KLHL32: variants seen among roughly 807,000 people sequenced by gnomAD.
KLHL32 encodes the protein kelch-like protein 32.
KLHL32 carries 35 observed loss-of-function variants against 64.8 expected under a neutral mutation model. The observed-to-expected ratio is 0.54, with a 90% CI of 0.41 to 0.72. The LOEUF (loss-of-function observed/expected upper bound fraction) is 0.72. Among genes scored for constraint, KLHL32 ranks in the 30% least tolerant of loss-of-function variants. The pLI is 0.00. For missense variants in KLHL32, 589 were observed against 768.5 expected (o/e 0.77, Z 2.76); for synonymous variants, 259 against 281.0 (o/e 0.92, Z 0.78).
At chr6:96,989,719 CT>C (rs551263347) in intron 3 of KLHL32, among the ~76,000 whole-genome samples, 102 of 152,228 alleles carry the variant, frequency 6.7e-4, no homozygotes, top group African/African-American at 2.3e-3. Flanking sequence ...TTCTCCCCCC[CT>C]CTCTTCCAGG....
rs1799477552 is a variant in KLHL32 at position 97,131,864 on chromosome 6, G to A, written c.1607-789G>A. On this transcript the variant is annotated intron_variant, in intron 9 of 10. Transcript: ENST00000369261. ...ACTTAGAAACTCTCTGAGTTTTAGC[G>A]GTACCTTAGGCCCTCGATTCTGGAT... Among the ~76,000 whole-genome samples, 5 of 152,168 alleles carry A rather than the reference G, an allele frequency of 3.3e-5. No homozygotes were observed. The South Asian group carries it at 1.0e-3, about 32-fold the overall frequency.
chr6:96,998,869 C>A (rs1582646944), intron 3 of KLHL32, among the ~76,000 whole-genome samples: 1 of 152,120 alleles, frequency 6.6e-6, no homozygotes, highest in Admixed American at 6.5e-5. Flanking sequence ...GTAAACTGAT[C>A]GTTATTTTCC....
intron 6 of KLHL32, among the ~76,000 whole-genome samples, chr6:97,090,695 G>A (rs915261354): frequency 5.9e-5 from 9 of 152,212 alleles, no homozygotes; most frequent in African/African-American, 1.7e-4. Flanking sequence ...CTTCCAATTT[G>A]AATATCACAT....
At position 96,970,880 on chromosome 6, in the gene KLHL32, C is replaced by A. The variant is rs527549933; in HGVS notation, c.23+3797C>A. On this transcript the variant is annotated intron_variant, in intron 2 of 10. Transcript: ENST00000369261. ...TTTTATTATAGGGTCTTTTAATATC[C>A]TGCTACCTTAAATATAATTTTTAAA... 1.2e-4 allele frequency among the ~76,000 whole-genome samples: 19 copies of A among 152,164 alleles called. No individual in the cohort carries two copies. In the South Asian group the frequency reaches 3.5e-3, roughly 28 times the overall value.
intron 3 of KLHL32, among the ~76,000 whole-genome samples, chr6:97,018,135 A>C (rs753626767): frequency 6.9e-6 from 1 of 145,176 alleles, no homozygotes; most frequent in African/African-American, 2.8e-5. Flanking sequence ...TACAGTAAGT[A>C]TAATTAATAT....
chr6:97,051,825 A>G (rs1786956756), intron 4 of KLHL32, among the ~76,000 whole-genome samples: 1 of 152,194 alleles, frequency 6.6e-6, no homozygotes. Flanking sequence ...GGATTTTTAA[A>G]GCACATGAAC....
chr6:97,026,888 G>A (rs1782786591), intron 3 of KLHL32, among the ~76,000 whole-genome samples: 1 of 152,070 alleles, frequency 6.6e-6, no homozygotes, highest in Admixed American at 6.5e-5. Context: ...ACAGGGCTGG[G>A]CGTAGTGGCT....
chr6:97,071,303 A>T (rs1790671716), intron 5 of KLHL32, among the ~76,000 whole-genome samples: 1 of 150,198 alleles, frequency 6.7e-6, no homozygotes, highest in Non-Finnish European at 1.5e-5. Context: ...ATCCTAAGTG[A>T]CTCCTCTACA....
At chr6:97,123,742 C>T (rs933633318) in intron 7 of KLHL32, among the ~76,000 whole-genome samples, 4 of 152,022 alleles carry the variant, frequency 2.6e-5, no homozygotes, top group African/African-American at 7.2e-5. Context: ...AAAATATACT[C>T]GATAGAGGAA....
intron 7 of KLHL32, among the ~76,000 whole-genome samples, chr6:97,124,566 A>G (rs1798692410): frequency 1.3e-5 from 2 of 152,208 alleles, no homozygotes. Context: ...AGTCTGATAC[A>G]TACAGTAGTG....
At chr6:96,930,160 T>C (rs1437032269) in intron 1 of KLHL32, among the ~76,000 whole-genome samples, 1 of 152,162 alleles carries the variant, frequency 6.6e-6, no homozygotes, top group Non-Finnish European at 1.5e-5. Context: ...AGTGAGAACA[T>C]ATTTGATGCT....
At chr6:97,112,593 C>T (rs749405825) in intron 6 of KLHL32, among the ~76,000 whole-genome samples, 20 of 151,740 alleles carry the variant, frequency 1.3e-4, no homozygotes, top group East Asian at 3.9e-4. Context: ...ACTACAGGCA[C>T]GTGCCACCAC....
chr6:97,017,798 G>A (rs956962016), intron 3 of KLHL32, among the ~76,000 whole-genome samples: 1 of 152,140 alleles, frequency 6.6e-6, no homozygotes, highest in Non-Finnish European at 1.5e-5. Context: ...CAATGGTTAT[G>A]AAACAGAGGT....
At chr6:97,054,595 G>A (rs1356168873) in intron 4 of KLHL32, among the ~76,000 whole-genome samples, 1 of 152,236 alleles carries the variant, frequency 6.6e-6, no homozygotes, top group African/African-American at 2.4e-5. Context: ...AATTCAGGTA[G>A]GAGAATGGAT....
chr6:97,130,936 C>T lies in KLHL32; in HGVS notation c.1593C>T (p.Phe531=). 1 of 1,611,258 alleles carries T rather than the reference C, an allele frequency of 6.2e-7. No homozygotes were observed. Among genetic ancestry groups the T allele is most frequent in the Non-Finnish European group, 8.5e-7 (1 of 1,178,734 alleles). Residue 531 remains phenylalanine (F), a synonymous_variant, in exon 9 of 11, where the codon TTC becomes TTT. Coordinates refer to ENST00000369261, the MANE Select transcript of KLHL32 (RefSeq NM_052904.4). ...IDTDQWTRCN[F]NLLTGQNESG... ...CTGACCAGTGGACACGTTGTAATTT[C>T]AACCTGCTGACTGGCAAGTACCTTT... is the stretch of plus-strand genomic sequence containing the variant.
intron 3 of KLHL32, among the ~76,000 whole-genome samples, chr6:97,016,472 G>A (rs1195234380): frequency 6.6e-6 from 1 of 152,064 alleles, no homozygotes; most frequent in Non-Finnish European, 1.5e-5. Context: ...CCTTTATTTT[G>A]GCCAATTTCT....
chr6:97,041,271 A>G (rs939579675), intron 3 of KLHL32, among the ~76,000 whole-genome samples: 1 of 152,224 alleles, frequency 6.6e-6, no homozygotes, highest in African/African-American at 2.4e-5. Flanking sequence ...AGTACTGTAT[A>G]TGGTGAGGAA....
intron 3 of KLHL32, among the ~76,000 whole-genome samples, chr6:97,012,894 G>A (rs1249506991): frequency 1.3e-5 from 2 of 152,148 alleles, no homozygotes; most frequent in African/African-American, 4.8e-5. Flanking sequence ...TATTGTTATT[G>A]TTTTGGTTGT....
chr6:97,032,935 T>TG (rs2128118034), intron 3 of KLHL32, among the ~76,000 whole-genome samples: 2 of 152,024 alleles, frequency 1.3e-5, no homozygotes, highest in South Asian at 4.1e-4. Context: ...TGTTAGCTTT[T>TG]TTTTTTTTTT....
Sources: gnomAD v4.1 joint callset for allele counts (sites outside exome capture counted in the v4.1 genomes callset) on GRCh38, gnomAD v4.1.1 for gene constraint, MANE v1.5 for transcripts, NCBI Gene and HGNC (gene_info 2026-07-23, HGNC 2026-07-21) for gene names.